Variants in TMEM108 observed in about 807,000 individuals in gnomAD.
TMEM108 encodes transmembrane protein 108, also known as cancer/testis antigen 124.
Under a neutral mutation model 35.1 loss-of-function variants are expected in TMEM108, and 12 were observed. That is an observed-to-expected ratio of 0.34 (90% CI 0.22 to 0.55). The LOEUF (loss-of-function observed/expected upper bound fraction) is 0.55, where lower values mean the gene tolerates loss of function less well. Ranked by LOEUF, TMEM108 falls within the 20% of genes least tolerant of loss-of-function variation. TMEM108 has a pLI of 0.89. For synonymous variants in TMEM108, 287 were observed against 308.6 expected (o/e 0.93, Z 0.73); for missense variants, 680 against 753.3 (o/e 0.90, Z 1.14).
intron 2 of TMEM108, among the ~76,000 whole-genome samples, chr3:133,103,027 G>T (rs970944658): frequency 6.6e-6 from 1 of 152,152 alleles, no homozygotes; most frequent in Admixed American, 6.5e-5. Context: ...AGACAGTGTG[G>T]CAATTCCTCA....
intron 2 of TMEM108, among the ~76,000 whole-genome samples, chr3:133,123,640 G>A (rs1253764330): frequency 1.3e-5 from 2 of 152,156 alleles, no homozygotes; most frequent in Non-Finnish European, 2.9e-5. Flanking sequence ...AATAGGAAAT[G>A]GCAATAAAAA....
chr3:133,256,622 T>C (rs549022981), intron 3 of TMEM108, among the ~76,000 whole-genome samples: 1 of 152,278 alleles, frequency 6.6e-6, no homozygotes, highest in East Asian at 1.9e-4. Context: ...CAAGTTTTAG[T>C]AGGCATGGCA....
intron 3 of TMEM108, among the ~76,000 whole-genome samples, chr3:133,338,794 A>G (rs898781535): frequency 3.0e-4 from 46 of 152,192 alleles, no homozygotes; most frequent in African/African-American, 1.1e-3. Flanking sequence ...AGAAACAACA[A>G]AAAGCTTAAA....
At chr3:133,292,221 A>G (rs1393641619) in intron 3 of TMEM108, among the ~76,000 whole-genome samples, 1 of 152,210 alleles carries the variant, frequency 6.6e-6, no homozygotes, top group Non-Finnish European at 1.5e-5. Context: ...GGATAAGGAA[A>G]TATGTGTGGC....
chr3:133,182,038 C>G (rs1238291258), intron 2 of TMEM108, among the ~76,000 whole-genome samples: 1 of 152,198 alleles, frequency 6.6e-6, no homozygotes, highest in Non-Finnish European at 1.5e-5. Context: ...CCCAGATCTT[C>G]CCTATCTCAT....
In TMEM108 at chr3:133,094,323, C is replaced by T. The variant is rs571554998; in HGVS notation, c.-47+48303C>T. Among the ~76,000 whole-genome samples, 18 of 149,532 alleles carry T rather than the reference C, an allele frequency of 1.2e-4. No homozygotes were observed. The South Asian group carries it at 3.8e-3, about 32-fold the overall frequency. ...ACTAGATTCATTCATTTCAGGGCTA[C>T]TCAACTGTAGTTTCAGATCAACCCC... is the stretch of plus-strand genomic sequence containing the variant. On this transcript the variant is annotated intron_variant, in intron 2 of 5. Transcript: ENST00000321871.
intron 2 of TMEM108, among the ~76,000 whole-genome samples, chr3:133,211,832 T>A (rs1487691735): frequency 6.6e-6 from 1 of 152,206 alleles, no homozygotes; most frequent in East Asian, 1.9e-4. Flanking sequence ...ATTGATTCCC[T>A]TTTGTAGGCT....
chr3:133,248,879 C>A (rs1200984843), intron 3 of TMEM108, among the ~76,000 whole-genome samples: 2 of 152,192 alleles, frequency 1.3e-5, no homozygotes, highest in African/African-American at 4.8e-5. Flanking sequence ...TATACATCCA[C>A]TTAATTGTTT....
intron 2 of TMEM108, among the ~76,000 whole-genome samples, chr3:133,213,346 A>G (rs1945861438): frequency 6.6e-6 from 1 of 152,230 alleles, no homozygotes; most frequent in Admixed American, 6.5e-5. Flanking sequence ...TTGAGGCTCC[A>G]GAGAAATTAA....
intron 3 of TMEM108, among the ~76,000 whole-genome samples, chr3:133,268,667 CATGTAAATAA>C (rs1946730921): frequency 6.6e-6 from 1 of 152,112 alleles, no homozygotes; most frequent in Non-Finnish European, 1.5e-5. Flanking sequence ...AAATGGTAAC[CATGTAAATAA>C]ATGTTGCCAG....
At chr3:133,172,866 T>C (rs1332862290) in intron 2 of TMEM108, among the ~76,000 whole-genome samples, 1 of 152,148 alleles carries the variant, frequency 6.6e-6, no homozygotes, top group East Asian at 1.9e-4. Context: ...GTTCTTGTGA[T>C]AGTAAATCTC....
chr3:133,379,188 G>A (rs2107837075), intron 3 of TMEM108, among the ~76,000 whole-genome samples: 1 of 152,326 alleles, frequency 6.6e-6, no homozygotes, highest in South Asian at 2.1e-4. Flanking sequence ...ATTGTTTGGC[G>A]AATGGTCCTG....
intron 3 of TMEM108, among the ~76,000 whole-genome samples, chr3:133,340,435 T>A (rs2071626553): frequency 6.6e-6 from 1 of 151,442 alleles, no homozygotes. Context: ...AGAGCAAACC[T>A]TTAGTAACAG....
chr3:133,050,197 C>T (rs564173470), intron 2 of TMEM108, among the ~76,000 whole-genome samples: 14 of 152,230 alleles, frequency 9.2e-5, no homozygotes, highest in African/African-American at 2.9e-4. Flanking sequence ...AGTAGTATTG[C>T]TGGAGTTGAG....
intron 2 of TMEM108, among the ~76,000 whole-genome samples, chr3:133,107,914 A>G (rs1270600714): frequency 3.3e-5 from 5 of 152,292 alleles, no homozygotes; most frequent in Non-Finnish European, 2.9e-5. Context: ...TAAACCTTGT[A>G]AGGACTGACA....
At chr3:133,112,542 G>A (rs759242995) in intron 2 of TMEM108, among the ~76,000 whole-genome samples, 70 of 152,156 alleles carry the variant, frequency 4.6e-4, no homozygotes, top group African/African-American at 1.1e-3. Flanking sequence ...ATTCTGTGTC[G>A]TCTAGAACTG....
intron 2 of TMEM108, among the ~76,000 whole-genome samples, chr3:133,069,476 A>T (rs867645521): frequency 1.3e-5 from 2 of 152,186 alleles, no homozygotes; most frequent in Admixed American, 6.5e-5. Context: ...GGCAGCATGC[A>T]TCTGGGGGAC....
chr3:133,189,992 G>A (rs1372013151), intron 2 of TMEM108, among the ~76,000 whole-genome samples: 2 of 151,886 alleles, frequency 1.3e-5, no homozygotes, highest in African/African-American at 4.8e-5. Context: ...CTTTGCTTTT[G>A]GTTGGAAGCC....
At chr3:133,047,887 G>A (rs1448524058) in intron 2 of TMEM108, among the ~76,000 whole-genome samples, 1 of 152,162 alleles carries the variant, frequency 6.6e-6, no homozygotes, top group East Asian at 1.9e-4. Flanking sequence ...TCTAAGAAGC[G>A]ATATTCGTCT....
Sources: allele counts gnomAD v4.1 joint callset (sites outside exome capture counted in the v4.1 genomes callset), GRCh38; gene constraint gnomAD v4.1.1; transcripts MANE v1.5; gene names NCBI Gene and HGNC (gene_info 2026-07-23, HGNC 2026-07-21).